The following ZNF331 variants were observed in gnomAD, a reference collection of about 807,000 sequenced individuals.
The protein encoded by ZNF331 is C2H2-like zinc finger protein rearranged in thyroid adenomas.
Under a neutral mutation model 7.0 loss-of-function variants are expected in ZNF331, and 2 were observed. The observed-to-expected ratio is 0.29, with a 90% CI of 0.12 to 0.90. The LOEUF (loss-of-function observed/expected upper bound fraction) is 0.90, where lower values mean the gene tolerates loss of function less well. Among genes scored for constraint, ZNF331 ranks in the 40% least tolerant of loss-of-function variants. ZNF331 has a pLI of 0.58. For synonymous variants in ZNF331, 196 were observed against 205.4 expected, an observed-to-expected ratio of 0.95 and a Z score of 0.39; for missense variants, 432 against 587.7, an observed-to-expected ratio of 0.74 and a Z score of 2.74.
chr19:53,534,827 T>G (rs1339489348), upstream of ZNF331, among the ~76,000 whole-genome samples: 1 of 152,156 alleles, frequency 6.6e-6, no homozygotes, highest in African/African-American at 2.4e-5. Flanking sequence ...TAACATAACA[T>G]ATTCCCAGGT....
rs986485644 is a variant in ZNF331 at position 53,560,513 on chromosome 19, A to C, written c.-74+4605A>C. 2.0e-5 allele frequency among the ~76,000 whole-genome samples: 3 copies of C among 152,162 alleles called. No homozygotes were observed. Among genetic ancestry groups the C allele is most frequent in the Non-Finnish European group, 4.4e-5 (3 of 68,024 alleles). On this transcript the variant is annotated intron_variant, in intron 3 of 5. Transcript: ENST00000449416. This position sits in a 1 kb window ranked among gnomAD's most constrained non-coding sequence, Gnocchi z 4.3. ...CACTACTTTTTCAATATTAGGCCTT[A>C]TATCAGTTTATTTTTGCTGTTTTAA...
chr19:53,510,629 C>A, the ZNF331 span, among the ~76,000 whole-genome samples: 1 of 152,186 alleles, frequency 6.6e-6, no homozygotes, highest in South Asian at 2.1e-4. Flanking sequence ...TCATTTCGTT[C>A]TTTTTCAGAG....
At position 53,558,709 on chromosome 19, in the gene ZNF331, T is replaced by C. The variant is rs1162388814; in HGVS notation, c.-74+2801T>C. On this transcript the variant is annotated intron_variant, in intron 3 of 5. Coordinates refer to ENST00000449416, the MANE Select transcript of ZNF331 (RefSeq NM_001079906.2). The surrounding 1 kb of genome is among the most constrained non-coding windows in gnomAD (Gnocchi z 4.5). ...GAGAGAGATTCTGCTTCCCGAGGCCTGCTTCTGAGGCTGAAAGTGCCCTAA... is the reference window on the plus strand; with the variant it reads ...GAGAGAGATTCTGCTTCCCGAGGCCCGCTTCTGAGGCTGAAAGTGCCCTAA... 6.6e-6 allele frequency among the ~76,000 whole-genome samples: 1 copy of C among 151,886 alleles called. No individual in the cohort carries two copies. Among genetic ancestry groups the C allele is most frequent in the Non-Finnish European group, 1.5e-5 (1 of 67,952 alleles).
chr19:53,506,212 G>A, the ZNF331 span, among the ~76,000 whole-genome samples: 2 of 134,332 alleles, frequency 1.5e-5, no homozygotes, highest in East Asian at 4.1e-4. Flanking sequence ...GCGGGCGCCT[G>A]TAATCCCAGC....
In ZNF331 at chr19:53,556,103, A is replaced by C. The variant is rs577227951; in HGVS notation, c.-74+195A>C. Among the ~76,000 whole-genome samples, 579 of 151,526 alleles carry C rather than the reference A, an allele frequency of 3.8e-3. 3 individuals carry two copies. Among genetic ancestry groups the C allele is most frequent in the African/African-American group, 8.5e-3 (352 of 41,374 alleles). ...ACTAAAAATACAAAAATTAGCCGGG[A>C]GTGGTGGTGGGCGCCTGTAGTCCCA... On this transcript the variant is annotated intron_variant, in intron 3 of 5. Coordinates refer to ENST00000449416, the MANE Select transcript of ZNF331 (RefSeq NM_001079906.2).
Position 53,560,865 on chromosome 19 carries a change from C to T in ZNF331, c.-74+4957C>T, listed in dbSNP as rs1374594711. Among the ~76,000 whole-genome samples, 1 of 152,052 alleles carries T rather than the reference C, an allele frequency of 6.6e-6. No individual in the cohort carries two copies. Among genetic ancestry groups the T allele is most frequent in the South Asian group, 2.1e-4 (1 of 4,818 alleles). On this transcript the variant is annotated intron_variant, in intron 3 of 5. Transcript: ENST00000449416. The surrounding 1 kb of genome is among the most constrained non-coding windows in gnomAD (Gnocchi z 4.3). ...GAATCTTCCGTATGTTAGAGGCAGC[C>T]GATTAGCCATTTTAAGTCCATCTGC... is the stretch of plus-strand genomic sequence containing the variant.
intron 5 of ZNF331, among the ~76,000 whole-genome samples, chr19:53,575,562 C>T (rs2090675279): frequency 1.3e-5 from 2 of 148,924 alleles, no homozygotes; most frequent in Admixed American, 1.3e-4. Flanking sequence ...CAACCTCCAC[C>T]TCCCGGGTTC....
At chr19:53,506,394 A>G in the ZNF331 span, among the ~76,000 whole-genome samples, 1 of 132,724 alleles carries the variant, frequency 7.5e-6, no homozygotes, top group Non-Finnish European at 1.6e-5. Flanking sequence ...CCCCTACCAC[A>G]TACACACTCT....
At chr19:53,509,415 C>T in the ZNF331 span, among the ~76,000 whole-genome samples, 2 of 150,812 alleles carry the variant, frequency 1.3e-5, no homozygotes, top group Non-Finnish European at 3.0e-5. Flanking sequence ...GCAGAGATAC[C>T]CTGAGGTGGG....
upstream of ZNF331, among the ~76,000 whole-genome samples, chr19:53,515,709 C>T (rs971096090): frequency 1.3e-5 from 2 of 152,128 alleles, no homozygotes; most frequent in African/African-American, 4.8e-5. Context: ...GTTGGTCAGG[C>T]TGGTCTCAAA....
upstream of ZNF331, among the ~76,000 whole-genome samples, chr19:53,516,475 G>A (rs1162283157): frequency 2.0e-5 from 3 of 151,114 alleles, no homozygotes; most frequent in East Asian, 5.8e-4. Flanking sequence ...AGTATTAATT[G>A]CCTATGGTTT....
At position 53,562,755 on chromosome 19, in the gene ZNF331, C is replaced by T. The variant is rs572607014; in HGVS notation, c.-73-6549C>T. ...CTGTAATCCCAACACTTTGGAAGGC[C>T]GAGGTGGGCAGATCACGAAGTCAGG... On this transcript the variant is annotated intron_variant, in intron 3 of 5. Transcript: ENST00000449416. 4.7e-5 allele frequency among the ~76,000 whole-genome samples: 7 copies of T among 148,776 alleles called. No individual in the cohort carries two copies. The East Asian group carries it at 1.2e-3, about 26-fold the overall frequency.
chr19:53,506,276 A>G, the ZNF331 span, among the ~76,000 whole-genome samples: 1 of 110,492 alleles, frequency 9.1e-6, no homozygotes, highest in Non-Finnish European at 1.8e-5. Flanking sequence ...CGGAGCTTGC[A>G]GTGAGCGGAG....
intron 2 of ZNF331, among the ~76,000 whole-genome samples, chr19:53,551,084 G>C (rs780558477): frequency 3.9e-5 from 6 of 151,938 alleles, no homozygotes; most frequent in Admixed American, 6.6e-5. Flanking sequence ...ACCCACCTTG[G>C]CCTCCCAAAG....
In ZNF331 at chr19:53,550,529, CTTT is replaced by C. The variant is rs60619357; in HGVS notation, c.-137-5293_-137-5291del. On this transcript the variant is annotated intron_variant, in intron 2 of 5. Transcript: ENST00000449416. ...GTTTTTGATTTAAAGTCTATTTTGT[CTTT>C]TTTTTTTTTTTTTTTTTTTTTTGAG... 1.7e-3 allele frequency among the ~76,000 whole-genome samples: 111 copies of C among 64,538 alleles called. 1 individual carries two copies. The highest frequency in any genetic ancestry group is 2.3e-3 in the Non-Finnish European group (88 of 38,398). The allele number at this position is 64,538 out of a possible 152,430, so 42.3% of individuals were successfully genotyped here.
chr19:53,551,662 T>A (rs2089018763), intron 2 of ZNF331, among the ~76,000 whole-genome samples: 1 of 152,076 alleles, frequency 6.6e-6, no homozygotes, highest in African/African-American at 2.4e-5. Flanking sequence ...GGAAAAAAAA[T>A]AGGAGGTTTG....
rs1211733792 is a variant in ZNF331 at position 53,579,996 on chromosome 19, C to G, written c.*2044C>G. Reference sequence around the variant, plus strand: ...AAGTAAGTGAAAATGTATTCAATGTCATTGCTCCTCAAGGAACTGTAGAGT... The same window carrying G: ...AAGTAAGTGAAAATGTATTCAATGTGATTGCTCCTCAAGGAACTGTAGAGT... On this transcript the variant is annotated 3_prime_UTR_variant, in exon 6 of 6. Transcript: ENST00000449416. 9.6e-6 allele frequency: 2 copies of G among 208,630 alleles called. No homozygotes were observed. The highest frequency in any genetic ancestry group is 4.5e-5 in the African/African-American group (2 of 43,992). 12.9% of individuals were successfully genotyped at this position (208,630 alleles called of 1,614,324 possible).
Position 53,575,761 on chromosome 19 carries a change from G to A in ZNF331, c.137-936G>A, listed in dbSNP as rs1052629642. Among the ~76,000 whole-genome samples, 11 of 151,806 alleles carry A rather than the reference G, an allele frequency of 7.2e-5. No individual in the cohort carries two copies. In the East Asian group the frequency reaches 7.7e-4, roughly 11 times the overall value. ...TGCAGTGGCACAATCTCGGCTCACC[G>A]CAACTTCTGCCTCCCGGGTTCAAGC... On this transcript the variant is annotated intron_variant, in intron 5 of 5. Transcript: ENST00000449416.
chr19:53,506,990 T>C, the ZNF331 span, among the ~76,000 whole-genome samples: 16 of 152,252 alleles, frequency 1.1e-4, no homozygotes, highest in Non-Finnish European at 8.8e-5. Context: ...GAGGAGTTGC[T>C]CTCAATCTTC....
Sources: gnomAD v4.1 joint callset for allele counts (sites outside exome capture counted in the v4.1 genomes callset) on GRCh38, gnomAD v4.1.1 for gene constraint, Gnocchi (gnomAD v3.1) non-coding constraint, MANE v1.5 for transcripts, NCBI Gene and HGNC (gene_info 2026-07-23, HGNC 2026-07-21) for gene names.